The following ZBTB7A variants were observed in gnomAD, a reference collection of about 807,000 sequenced individuals.
ZBTB7A encodes zinc finger and BTB domain-containing protein 7A.
A neutral mutation model predicts 26.7 loss-of-function variants in ZBTB7A; 7 were observed. The ratio of observed to expected loss-of-function variants is 0.26; its 90% CI spans 0.15 to 0.49. The LOEUF (loss-of-function observed/expected upper bound fraction) is 0.49, where lower values mean the gene tolerates loss of function less well. Ranked by LOEUF, ZBTB7A falls within the 20% of genes least tolerant of loss-of-function variation. The pLI is 0.98. For synonymous variants in ZBTB7A, 452 were observed against 441.0 expected, an observed-to-expected ratio of 1.02 and a Z score of -0.31; for missense variants, 617 against 919.5, an observed-to-expected ratio of 0.67 and a Z score of 4.25.
rs1168142040 is a variant in ZBTB7A at position 4,046,382 on chromosome 19, T to C, written c.*1370A>G. ...ATTTTGTACAAAAATAAATCGACTT[T>C]TAGGAATTTCTTCTGCTCTCGCTCT... On this transcript the variant is annotated 3_prime_UTR_variant, in exon 3 of 3. Transcript: ENST00000322357. The C allele has an allele frequency of 4.5e-6, 1 of 224,324 alleles. No individual in the cohort carries two copies. Among genetic ancestry groups the C allele is most frequent in the Non-Finnish European group, 8.6e-6 (1 of 116,226 alleles). 13.9% of individuals were successfully genotyped at this position (224,324 alleles called of 1,614,324 possible).
rs1296226730 is a variant in ZBTB7A, at chr19:4,043,553, C to T, written c.*4199G>A. Among the ~76,000 whole-genome samples, 7 of 151,830 alleles carry T rather than the reference C, an allele frequency of 4.6e-5. No individual in the cohort carries two copies. In the East Asian group the frequency reaches 5.8e-4, roughly 13 times the overall value. On this transcript the variant is annotated 3_prime_UTR_variant, in exon 3 of 3. Transcript: ENST00000322357. ...GCTCTGTACCCTGAGGGCGCCGCCC[C>T]GCCCCCCATTCACCAGGCCTGGCCC... is the stretch of plus-strand genomic sequence containing the variant.
At chr19:4,053,916 G>T in intron 2 of ZBTB7A, 55 bp downstream of exon 2, 2 of 1,529,790 alleles carry the variant, frequency 1.3e-6, no homozygotes, top group East Asian at 2.3e-5. Flanking sequence ...GGTCGTGAGC[G>T]GCGGATGCTG....
intron 1 of ZBTB7A, chr19:4,065,551 C>T (rs1407942321): frequency 1.4e-5 from 2 of 145,872 alleles, no homozygotes; most frequent in Admixed American, 6.8e-5. Flanking sequence ...CGCGCCACCC[C>T]CCGCCGCCGG....
chr19:4,066,199 TC>T (rs1358097544), intron 1 of ZBTB7A, among the ~76,000 whole-genome samples: 6 of 45,628 alleles, frequency 1.3e-4, no homozygotes, highest in Admixed American at 3.4e-4. Flanking sequence ...TTCAGCCCCC[TC>T]CCCCCCATCC....
intron 1 of ZBTB7A, among the ~76,000 whole-genome samples, chr19:4,062,492 G>A (rs576884489): frequency 3.3e-5 from 5 of 152,322 alleles, no homozygotes; most frequent in Admixed American, 6.5e-5. Context: ...AACGGGGAAC[G>A]GGATCAGAGA....
In ZBTB7A at chr19:4,060,839, A is replaced by G. The variant is rs1057153539; in HGVS notation, c.-15-5592T>C. Among the ~76,000 whole-genome samples the G allele has an allele frequency of 7.2e-5, 11 of 152,298 alleles. No individual in the cohort carries two copies. The South Asian group carries it at 1.4e-3, about 20-fold the overall frequency. ...CTTCCCGAAGGTCACTTCCTGGAGC[A>G]GGGGGCCGTCTAATGAGGGGATCAG... is the stretch of plus-strand genomic sequence containing the variant. On this transcript the variant is annotated intron_variant, in intron 1 of 2. Transcript: ENST00000322357.
chr19:4,063,768 G>T (rs2040662900), intron 1 of ZBTB7A, among the ~76,000 whole-genome samples: 1 of 152,152 alleles, frequency 6.6e-6, no homozygotes, highest in Non-Finnish European at 1.5e-5. Flanking sequence ...ATGGAGCACA[G>T]GGGGCAGCTC....
chr19:4,047,586 A>C lies in ZBTB7A; in HGVS notation c.*166T>G. On this transcript the variant is annotated 3_prime_UTR_variant, in exon 3 of 3. Coordinates refer to ENST00000322357, the MANE Select transcript of ZBTB7A (RefSeq NM_015898.4). The stretch of plus-strand genomic sequence containing the variant: ...GAAATCTGAGAAAGCGCTACCCTAG[A>C]TTCTGTGACGCGTCATATATATATA... The C allele has an allele frequency of 1.1e-5, 6 of 543,404 alleles. No individual in the cohort carries two copies. The highest frequency in any genetic ancestry group is 6.1e-4 in the Middle Eastern group (1 of 1,646). The allele number at this position is 543,404 out of a possible 1,614,324, so 33.7% of individuals were successfully genotyped here.
intron 1 of ZBTB7A, among the ~76,000 whole-genome samples, chr19:4,056,180 GT>G (rs1246063686): frequency 1.3e-5 from 2 of 151,494 alleles, no homozygotes; most frequent in Non-Finnish European, 2.9e-5. Flanking sequence ...CTCCCAACCT[GT>G]TTCCCATCTG....
rs1358756449 is a variant in ZBTB7A at position 4,044,089 on chromosome 19, G to C, written c.*3663C>G. 1.3e-5 allele frequency among the ~76,000 whole-genome samples: 2 copies of C among 151,884 alleles called. No individual in the cohort carries two copies. The highest frequency in any genetic ancestry group is 4.8e-5 in the African/African-American group (2 of 41,352). ...CAGTGTCACCACCTGTGAGGTGACC[G>C]CTCCTGCCACGGCCCCGGGGTCTGA... On this transcript the variant is annotated 3_prime_UTR_variant, in exon 3 of 3. Transcript: ENST00000322357.
chr19:4,059,695 T>C (rs985272905), intron 1 of ZBTB7A, among the ~76,000 whole-genome samples: 53 of 152,050 alleles, frequency 3.5e-4, no homozygotes, highest in African/African-American at 1.2e-3. Flanking sequence ...AAACTCGCTC[T>C]GAGACAACTG....
At chr19:4,059,674 C>G (rs1366206086) in intron 1 of ZBTB7A, among the ~76,000 whole-genome samples, 1 of 152,058 alleles carries the variant, frequency 6.6e-6, no homozygotes, top group Non-Finnish European at 1.5e-5. Context: ...CCTGCCCTCG[C>G]CCTGGAAACT....
At chr19:4,049,868 A>G (rs1289816178) in intron 2 of ZBTB7A, among the ~76,000 whole-genome samples, 1 of 151,790 alleles carries the variant, frequency 6.6e-6, no homozygotes, top group African/African-American at 2.4e-5. Context: ...TTGGGCTCAA[A>G]TGTCACCTCC....
rs1450797188 is a variant in ZBTB7A, at chr19:4,054,575, A to T, written c.658T>A (p.Tyr220Asn). Residue 220 changes from tyrosine (Y) to asparagine (N), a missense_variant, in exon 2 of 3, where the codon TAT becomes AAT. Around this residue, in one of 5 missense-constraint regions of ZBTB7A, gnomAD observed 331 missense variants for 391.3 expected, o/e 0.85. Transcript: ENST00000322357. The part of the protein sequence containing the change: ...AAGDCNGLDF[Y>N]GPGPPAERPP... ...CGCTCGGCCGGGGGGCCCGGCCCAT[A>T]GAAGTCTAAGCCGTTGCAGTCGCCC... The T allele has an allele frequency of 6.5e-7, 1 of 1,531,820 alleles. No homozygotes were observed. The highest frequency in any genetic ancestry group is 8.7e-7 in the Non-Finnish European group (1 of 1,150,610). The allele number at this position is 1,531,820 out of a possible 1,614,324, so 94.9% of individuals were successfully genotyped here.
At chr19:4,066,343 C>G (rs2040695867) in intron 1 of ZBTB7A, among the ~76,000 whole-genome samples, 1 of 149,856 alleles carries the variant, frequency 6.7e-6, no homozygotes, top group African/African-American at 2.5e-5. Context: ...CCCACGCCGG[C>G]TCCCCCCACC....
Position 4,054,408 on chromosome 19 carries a change from G to A in ZBTB7A, c.825C>T (p.Gly275=), listed in dbSNP as rs1462774434. 10 of 1,384,910 alleles carry A rather than the reference G, an allele frequency of 7.2e-6. No homozygotes were observed. Among genetic ancestry groups the A allele is most frequent in the East Asian group, 6.3e-5 (2 of 31,890 alleles). 85.8% of individuals were successfully genotyped at this position (1,384,910 alleles called of 1,614,324 possible). The part of the protein sequence containing the change: ...AATQNGHYGR[G]GEEEAASLSE... The stretch of plus-strand genomic sequence containing the variant: ...ACAGCGAGGCGGCCTCCTCCTCTCC[G>A]CCGCGGCCGTAGTGGCCGTTCTGCG... Residue 275 remains glycine (G), a synonymous_variant, in exon 2 of 3, where the codon GGC becomes GGT. Transcript: ENST00000322357.
chr19:4,049,630 C>A (rs2040475540), intron 2 of ZBTB7A, among the ~76,000 whole-genome samples: 2 of 152,066 alleles, frequency 1.3e-5, no homozygotes. Context: ...TCCTGGGAAA[C>A]CCCTCTGTCC....
In ZBTB7A at chr19:4,048,252, C is replaced by G. The variant is rs745338351; in HGVS notation, c.1263-8G>C. 6.3e-7 allele frequency: 1 copy of G among 1,576,106 alleles called. No individual in the cohort carries two copies. The highest frequency in any genetic ancestry group is 1.4e-5 in the African/African-American group (1 of 72,802). On this transcript the variant is annotated splice_polypyrimidine_tract_variant and splice_region_variant and intron_variant, in intron 2 of 2. Transcript: ENST00000322357. This position sits in a 1 kb window ranked among gnomAD's most constrained non-coding sequence, Gnocchi z 6.7. ...ACCTTCAGCTTGTCCTGCCTGTGGA[C>G]GGGGCACGGGGCGGGCACGGTCAGT...
At chr19:4,064,331 C>A (rs1015530046) in intron 1 of ZBTB7A, among the ~76,000 whole-genome samples, 18 of 152,366 alleles carry the variant, frequency 1.2e-4, no homozygotes, top group East Asian at 5.8e-4. Flanking sequence ...TCCTGCCCCC[C>A]CTTCTCCCCC....
Sources: allele counts gnomAD v4.1 joint callset (sites outside exome capture counted in the v4.1 genomes callset), GRCh38; gene constraint gnomAD v4.1.1; regional missense constraint gnomAD v4.1.1; non-coding constraint Gnocchi (gnomAD v3.1); transcripts MANE v1.5; gene names NCBI Gene and HGNC (gene_info 2026-07-23, HGNC 2026-07-21).